ACOX3: variants seen among roughly 807,000 people sequenced by gnomAD.
ACOX3 encodes the protein peroxisomal acyl-coenzyme A oxidase 3.
A neutral mutation model predicts 81.5 loss-of-function variants in ACOX3; 73 were observed. That is an observed-to-expected ratio of 0.90 (90% CI 0.74 to 1.09). The LOEUF is 1.09. Among genes scored for constraint, ACOX3 ranks in the 50% least tolerant of loss-of-function variants. The pLI is 0.00. For synonymous variants in ACOX3, 387 were observed against 375.1 expected (o/e 1.03, Z -0.37); for missense variants, 947 against 928.0 (o/e 1.02, Z -0.27).
chr4:8,367,150 T>A, intron 17 of ACOX3, 70 bp from the exon 18 acceptor site: 1 of 1,574,436 alleles, frequency 6.4e-7, no homozygotes, highest in East Asian at 2.3e-5. Context: ...GACGGCTGAG[T>A]GTGCAAATGC....
rs567253998 is a variant in ACOX3, at chr4:8,440,524, T to C, written c.-15+124A>G. 6 of 325,634 alleles carry C rather than the reference T, an allele frequency of 1.8e-5. No homozygotes were observed. In the South Asian group the frequency reaches 6.8e-4, roughly 37 times the overall value. 20.2% of individuals were successfully genotyped at this position (325,634 alleles called of 1,614,324 possible). A position where few individuals can be genotyped will look rare whatever the true frequency, so the allele number is the denominator to read the frequency against. ...TCACAAACTTAGGCTCCCTGACTTT[T>C]ATCGGTAATCAGTACTGAGGACAAT... On this transcript the variant is annotated intron_variant, in intron 1 of 17. Coordinates refer to ENST00000356406, the MANE Select transcript of ACOX3 (RefSeq NM_003501.3).
chr4:8,408,891 TGGGGGGGGGGGGTG>T (rs761652569), intron 6 of ACOX3, among the ~76,000 whole-genome samples: 80 of 25,696 alleles, frequency 3.1e-3, no homozygotes, highest in Admixed American at 6.4e-3. Flanking sequence ...GAGCCCTCAC[TGGGGGGGGGGGGTG>T]GGGGGGGGGT....
Position 8,419,157 on chromosome 4 carries a change from C to G in ACOX3, c.-14-2622G>C, listed in dbSNP as rs1391755125. 6.6e-6 allele frequency among the ~76,000 whole-genome samples: 1 copy of G among 151,870 alleles called. No individual in the cohort carries two copies. The highest frequency in any genetic ancestry group is 2.4e-5 in the African/African-American group (1 of 41,318). On this transcript the variant is annotated intron_variant, in intron 1 of 17. Transcript: ENST00000356406. This position sits in a 1 kb window ranked among gnomAD's most constrained non-coding sequence, Gnocchi z 4.2. ...CTCTTAAAGAACCAGATAAATAGGC[C>G]AGGCGCAGTGGCTCATGCCTGTAAT...
chr4:8,426,341 T>C (rs1179140938), intron 1 of ACOX3, among the ~76,000 whole-genome samples: 1 of 151,934 alleles, frequency 6.6e-6, no homozygotes, highest in African/African-American at 2.4e-5. Flanking sequence ...AGTTAAAGTG[T>C]CTGGAGTGGA....
intron 1 of ACOX3, among the ~76,000 whole-genome samples, chr4:8,426,504 C>T (rs534497217): frequency 2.2e-5 from 3 of 138,888 alleles, no homozygotes; most frequent in Admixed American, 1.4e-4. Context: ...CTCCATGGCC[C>T]CCCCCGTCAT....
chr4:8,397,017 C>A lies in ACOX3; in HGVS notation c.976G>T (p.Ala326Ser). 1 of 1,611,334 alleles carries A rather than the reference C, an allele frequency of 6.2e-7. No homozygotes were observed. The highest frequency in any genetic ancestry group is 2.2e-5 in the East Asian group (1 of 44,630). The change falls in exon 9 of 18, where the codon GCT becomes TCT. Residue 326 changes from alanine (A) to serine (S), a missense_variant. Physicochemically the swap from Ala to Ser is moderately conservative, Grantham distance 99 (BLOSUM62 1). Transcript: ENST00000356406. Reference sequence around the variant, plus strand: ...CGCCGAGTGGCTGAGAAGCGAAGAGCGATGGCCACGGCCAGCTTTAGGTTA... The same window carrying A: ...CGCCGAGTGGCTGAGAAGCGAAGAGAGATGGCCACGGCCAGCTTTAGGTTA... ...ILNLKLAVAI[A>S]LRFSATRRQF... is the part of the protein sequence containing the mutation.
At chr4:8,378,892 A>G (rs551355765) in intron 14 of ACOX3, among the ~76,000 whole-genome samples, 180 of 152,136 alleles carry the variant, frequency 1.2e-3, no homozygotes, top group African/African-American at 4.2e-3. Flanking sequence ...CAAAGGACAC[A>G]GCCATCACCC....
At chr4:8,436,897 C>G (rs1358987475) in intron 1 of ACOX3, among the ~76,000 whole-genome samples, 13 of 145,094 alleles carry the variant, frequency 9.0e-5, no homozygotes, top group Non-Finnish European at 1.6e-4. Context: ...GAGGCTGAGG[C>G]AGGAGAATTG....
At chr4:8,391,615 C>A (rs774019468) in intron 11 of ACOX3, among the ~76,000 whole-genome samples, 2 of 152,222 alleles carry the variant, frequency 1.3e-5, no homozygotes, top group Non-Finnish European at 1.5e-5. Flanking sequence ...TCATTGGGCA[C>A]GCACTACATG....
downstream of ACOX3, among the ~76,000 whole-genome samples, chr4:8,361,499 T>C (rs1715234144): frequency 6.9e-6 from 1 of 144,426 alleles, no homozygotes. Flanking sequence ...TTTACGCAAG[T>C]TGTGGAAGGC....
chr4:8,429,824 C>T (rs1723847547), intron 1 of ACOX3, among the ~76,000 whole-genome samples: 1 of 152,140 alleles, frequency 6.6e-6, no homozygotes, highest in Non-Finnish European at 1.5e-5. Flanking sequence ...CATCTGCAGT[C>T]CCAACTACTC....
At chr4:8,364,761 C>G (rs1715323248), downstream of ACOX3, among the ~76,000 whole-genome samples, 1 of 152,216 alleles carries the variant, frequency 6.6e-6, no homozygotes. The surrounding 1 kb of genome is among the most constrained non-coding windows in gnomAD (Gnocchi z 5.0). Context: ...GGTAGAAAAA[C>G]AGGTAGTTTC....
At chr4:8,376,036 TG>T (rs1435693685) in intron 14 of ACOX3, among the ~76,000 whole-genome samples, 1 of 152,140 alleles carries the variant, frequency 6.6e-6, no homozygotes, top group East Asian at 1.9e-4. Context: ...TACCCAGTAA[TG>T]GGATCACTGG....
rs183293720 is a variant in ACOX3 at position 8,382,763 on chromosome 4, C to T, written c.1538-1156G>A. Among the ~76,000 whole-genome samples the T allele has an allele frequency of 2.5e-3, 388 of 152,162 alleles. 1 individual carries two copies. The highest frequency in any genetic ancestry group is 3.7e-3 in the Non-Finnish European group (254 of 67,992). ...ATCCCAGCACTTTGGGAGGCAGAGGCGGGCGGATCACGAGGTCAGGAGATC... is the reference window on the plus strand; with the variant it reads ...ATCCCAGCACTTTGGGAGGCAGAGGTGGGCGGATCACGAGGTCAGGAGATC... On this transcript the variant is annotated intron_variant, in intron 13 of 17. Transcript: ENST00000356406. The surrounding 1 kb of genome is among the most constrained non-coding windows in gnomAD (Gnocchi z 4.1).
rs1720592207 is a variant in ACOX3 at position 8,403,532 on chromosome 4, C to T, written c.776+2423G>A. On this transcript the variant is annotated intron_variant, in intron 7 of 17. Coordinates refer to ENST00000356406, the MANE Select transcript of ACOX3 (RefSeq NM_003501.3). The stretch of plus-strand genomic sequence containing the variant: ...GCATCCCTGTCACCCTGCAGAGAGA[C>T]ACGGTGGAAAGGCTCTGGGGGCTCA... Among the ~76,000 whole-genome samples the T allele has an allele frequency of 2.0e-5, 3 of 152,322 alleles. No individual in the cohort carries two copies. The South Asian group carries it at 6.2e-4, about 32-fold the overall frequency.
Position 8,389,754 on chromosome 4 carries a change from G to T in ACOX3, c.1301-20C>A. Reference sequence around the variant, plus strand: ...GGTTCACTGCAACAAAGCCACAATAGTACCATCATTTAAGACGCATATTTG... The same window carrying T: ...GGTTCACTGCAACAAAGCCACAATATTACCATCATTTAAGACGCATATTTG... On this transcript the variant is annotated intron_variant, in intron 11 of 17. Transcript: ENST00000356406. This position sits in a 1 kb window ranked among gnomAD's most constrained non-coding sequence, Gnocchi z 5.3. The T allele has an allele frequency of 6.2e-7, 1 of 1,612,698 alleles. No individual in the cohort carries two copies. Among genetic ancestry groups the T allele is most frequent in the Non-Finnish European group, 8.5e-7 (1 of 1,179,420 alleles).
chr4:8,376,355 A>AAAG, intron 14 of ACOX3, among the ~76,000 whole-genome samples: 1 of 151,742 alleles, frequency 6.6e-6, no homozygotes, highest in Admixed American at 6.6e-5. Flanking sequence ...AATTAAAAAA[A>AAAG]AAAAAATCCA....
At chr4:8,357,354 C>T in the ACOX3 span, 1 of 426,442 alleles carries the variant, frequency 2.3e-6, no homozygotes, top group Non-Finnish European at 4.8e-6. Context: ...GGTGCAGGAA[C>T]ACTGGCATGA....
intron 16 of ACOX3, 91 bp from the exon 17 acceptor site, chr4:8,371,085 CCACTAG>C (rs1431574372): frequency 8.4e-7 from 1 of 1,194,204 alleles, no homozygotes; most frequent in Admixed American, 1.9e-5. Flanking sequence ...TTGCCAGGAC[CCACTAG>C]CAACGGGTCA....
Sources: allele counts gnomAD v4.1 joint callset (sites outside exome capture counted in the v4.1 genomes callset), GRCh38; gene constraint gnomAD v4.1.1; non-coding constraint Gnocchi (gnomAD v3.1); transcripts MANE v1.5; gene names NCBI Gene and HGNC (gene_info 2026-07-23, HGNC 2026-07-21).